The following CRPPA variants were observed in gnomAD, a reference collection of about 807,000 sequenced individuals.
CRPPA encodes the protein CDP-L-ribitol pyrophosphorylase A.
In CRPPA, 43 loss-of-function variants were observed where a neutral mutation model predicts 52.0. The observed-to-expected ratio is 0.83, with a 90% confidence interval of 0.65 to 1.07. The LOEUF is 1.07. Ranked by LOEUF, CRPPA falls within the 50% of genes least tolerant of loss-of-function variation. The probability of loss-of-function intolerance (pLI) is 0.00; values close to 1 mark genes in which losing one functional copy is unlikely to be tolerated. For synonymous variants in CRPPA, 250 were observed against 203.5 expected (o/e 1.23, Z -1.94); for missense variants, 629 against 551.7 (o/e 1.14, Z -1.40).
intron 8 of CRPPA, among the ~76,000 whole-genome samples, chr7:16,230,604 G>T (rs1018120085): frequency 1.3e-5 from 2 of 151,962 alleles, no homozygotes; most frequent in African/African-American, 4.8e-5. Context: ...TTAAAGTTTT[G>T]AATTCTTTGT....
At chr7:16,174,636 C>A (rs1329944456) in intron 9 of CRPPA, among the ~76,000 whole-genome samples, 1 of 151,210 alleles carries the variant, frequency 6.6e-6, no homozygotes, top group Admixed American at 6.6e-5. Context: ...AGGAAGTACC[C>A]AGTTCTAATT....
intron 8 of CRPPA, among the ~76,000 whole-genome samples, chr7:16,238,159 A>C (rs768420293): frequency 5.3e-5 from 8 of 152,316 alleles, no homozygotes; most frequent in Middle Eastern, 3.4e-3. Context: ...TTATTTCCTT[A>C]ATATATAATA....
intron 8 of CRPPA, among the ~76,000 whole-genome samples, chr7:16,254,949 G>A (rs1464999086): frequency 6.6e-6 from 1 of 152,058 alleles, no homozygotes; most frequent in Non-Finnish European, 1.5e-5. Context: ...AGGGCAATCA[G>A]GCAAGAGAAA....
At position 16,286,071 on chromosome 7, in the gene CRPPA, ATATATAT is replaced by A. The variant is rs1784435320; in HGVS notation, c.836-7852_836-7846del. On this transcript the variant is annotated intron_variant, in intron 5 of 9. Transcript: ENST00000407010. ...TATATATATATATATATATATATAT[ATATATAT>A]ATAATATTTAAAAAAAAAAATATAT... Among the ~76,000 whole-genome samples the A allele has an allele frequency of 3.1e-4, 10 of 31,978 alleles. 3 individuals are homozygous for A. Among genetic ancestry groups the A allele is most frequent in the African/African-American group, 1.4e-3 (10 of 6,942 alleles). 21.0% of individuals were successfully genotyped at this position (31,978 alleles called of 152,430 possible).
chr7:16,164,618 C>T (rs6976137), intron 9 of CRPPA, among the ~76,000 whole-genome samples: 2,685 of 151,766 alleles, frequency 0.018, 89 homozygotes, highest in African/African-American at 0.062. Flanking sequence ...AGCCTTTTTG[C>T]ACTGGTTTTT....
chr7:16,346,916 C>G (rs1470040293), intron 3 of CRPPA, among the ~76,000 whole-genome samples: 3 of 152,102 alleles, frequency 2.0e-5, no homozygotes, highest in Non-Finnish European at 4.4e-5. Context: ...GGGCCAAGCA[C>G]AGCCAGATCT....
At chr7:16,387,042 A>AAT (rs1377818547) in intron 2 of CRPPA, among the ~76,000 whole-genome samples, 1 of 82,786 alleles carries the variant, frequency 1.2e-5, no homozygotes, top group African/African-American at 4.3e-5. Context: ...AAATAAAAAA[A>AAT]AGATATATAT....
chr7:16,309,843 G>A (rs1784996735), intron 3 of CRPPA, among the ~76,000 whole-genome samples: 1 of 152,120 alleles, frequency 6.6e-6, no homozygotes, highest in Admixed American at 6.5e-5. Flanking sequence ...TCATAAACAT[G>A]TGCAGTCTCC....
At chr7:16,239,620 A>C (rs1783053259) in intron 8 of CRPPA, among the ~76,000 whole-genome samples, 1 of 150,670 alleles carries the variant, frequency 6.6e-6, no homozygotes, top group African/African-American at 2.4e-5. Flanking sequence ...TTTTTAAAAA[A>C]CTGAATGACC....
At chr7:16,286,044 A>AATATATATATAT (rs1175134468) in intron 5 of CRPPA, among the ~76,000 whole-genome samples, 10 of 12,540 alleles carry the variant, frequency 8.0e-4, no homozygotes, top group Non-Finnish European at 1.1e-3. Context: ...AAAAAATATA[A>AATATATATATAT]ATATATATAT....
At chr7:16,248,920 T>C (rs1388975141) in intron 8 of CRPPA, among the ~76,000 whole-genome samples, 1 of 152,124 alleles carries the variant, frequency 6.6e-6, no homozygotes, top group Non-Finnish European at 1.5e-5. Context: ...CCTCCAATGT[T>C]TGGCTCAGTG....
chr7:16,397,787 C>T (rs1304940152), intron 2 of CRPPA, among the ~76,000 whole-genome samples: 2 of 152,186 alleles, frequency 1.3e-5, no homozygotes, highest in Non-Finnish European at 2.9e-5. Flanking sequence ...CAACACGTCA[C>T]TGACATGATT....
intron 3 of CRPPA, among the ~76,000 whole-genome samples, chr7:16,343,724 A>C (rs1318505247): frequency 6.6e-6 from 1 of 152,150 alleles, no homozygotes; most frequent in Non-Finnish European, 1.5e-5. Flanking sequence ...TTGAAAACCT[A>C]TTCCTGGAAA....
At chr7:16,191,789 C>G (rs891467366) in intron 9 of CRPPA, among the ~76,000 whole-genome samples, 2 of 152,092 alleles carry the variant, frequency 1.3e-5, no homozygotes, top group Non-Finnish European at 1.5e-5. Context: ...CATCTGGGAT[C>G]CTCAATGCCT....
intron 8 of CRPPA, among the ~76,000 whole-genome samples, chr7:16,242,917 T>C (rs1783163462): frequency 6.6e-6 from 1 of 152,146 alleles, no homozygotes; most frequent in Admixed American, 6.5e-5. Context: ...GAACAGAACA[T>C]TTATAATATG....
intron 9 of CRPPA, chr7:16,208,965 C>A: frequency 2.4e-6 from 1 of 415,786 alleles, no homozygotes; most frequent in Non-Finnish European, 4.8e-6. Context: ...TTCCTAAAAT[C>A]CACCAAATTT....
intron 5 of CRPPA, among the ~76,000 whole-genome samples, chr7:16,280,997 G>A (rs558243429): frequency 6.6e-6 from 1 of 152,304 alleles, no homozygotes; most frequent in African/African-American, 2.4e-5. Context: ...TCCAGCCTGA[G>A]TGACGGAGTG....
rs886043226 is a variant in CRPPA at position 16,376,136 on chromosome 7, G to C, written c.640C>G (p.Pro214Ala). 6.2e-7 allele frequency: 1 copy of C among 1,611,606 alleles called. No individual in the cohort carries two copies. Among genetic ancestry groups the C allele is most frequent in the African/African-American group, 1.3e-5 (1 of 74,858 alleles). ...ERARHRASEM[P>A]QAFLFDVIYE... ...ATCACATCAAATAGAAAAGCTTGGGGCATTTCACTTGCTCTGTGTCTGGCA... is the reference window on the plus strand; with the variant it reads ...ATCACATCAAATAGAAAAGCTTGGGCCATTTCACTTGCTCTGTGTCTGGCA... The change falls in exon 3 of 10, where the codon CCC becomes GCC. Residue 214 changes from proline (P) to alanine (A), a missense_variant. Pro to Ala is a conservative substitution (Grantham distance 27). Transcript: ENST00000407010.
Position 16,185,133 on chromosome 7 carries a change from G to A in CRPPA, c.1251+30933C>T, listed in dbSNP as rs150237322. Among the ~76,000 whole-genome samples, 1,277 of 152,306 alleles carry A rather than the reference G, an allele frequency of 8.4e-3. 70 individuals carry two copies. The highest frequency in any genetic ancestry group is 0.078 in the Admixed American group (1,191 of 15,294). Reference sequence around the variant, plus strand: ...ACTGGGAAATTTACAAAAGAAAGAGGTTTAATTGGACTTACAGTTCCACAT... The same window carrying A: ...ACTGGGAAATTTACAAAAGAAAGAGATTTAATTGGACTTACAGTTCCACAT... On this transcript the variant is annotated intron_variant, in intron 9 of 9. Coordinates refer to ENST00000407010, the MANE Select transcript of CRPPA (RefSeq NM_001101426.4).
Sources: gnomAD v4.1 joint callset for allele counts (sites outside exome capture counted in the v4.1 genomes callset) on GRCh38, gnomAD v4.1.1 for gene constraint, MANE v1.5 for transcripts, NCBI Gene and HGNC (gene_info 2026-07-23, HGNC 2026-07-21) for gene names.